Variants in AP3B1 observed in about 807,000 individuals in gnomAD.
AP3B1 encodes the protein AP-3 complex subunit beta-1.
Under a neutral mutation model 132.5 loss-of-function variants are expected in AP3B1, and 61 were observed. The ratio of observed to expected loss-of-function variants is 0.46; its 90% CI spans 0.37 to 0.57. The LOEUF is 0.57. Among genes scored for constraint, AP3B1 ranks in the 20% least tolerant of loss-of-function variants. The pLI is 0.00. For missense variants in AP3B1, 1,120 were observed against 1,289.4 expected (o/e 0.87, Z 2.01); for synonymous variants, 388 against 438.3 (o/e 0.89, Z 1.43).
chr5:78,175,524 G>A (rs1450314102), intron 11 of AP3B1, 102 bp downstream of exon 11: 5 of 822,598 alleles, frequency 6.1e-6, no homozygotes, highest in Non-Finnish European at 1.0e-5. Context: ...TTATCAATGT[G>A]TTTTGAAAAG....
chr5:78,110,684 C>CTGTG (rs144921350), intron 19 of AP3B1, among the ~76,000 whole-genome samples: 10,545 of 143,458 alleles, frequency 0.074, 473 homozygotes, highest in East Asian at 0.13. Context: ...AATACTGTGC[C>CTGTG]TGTGTGTGTG....
intron 8 of AP3B1, among the ~76,000 whole-genome samples, chr5:78,180,227 T>C (rs948480873): frequency 1.3e-5 from 2 of 152,118 alleles, no homozygotes; most frequent in Non-Finnish European, 2.9e-5. Flanking sequence ...AAAATTGTTG[T>C]TGATAACTTG....
intron 22 of AP3B1, among the ~76,000 whole-genome samples, chr5:78,081,164 T>G (rs1257108089): frequency 6.6e-6 from 1 of 152,150 alleles, no homozygotes; most frequent in Non-Finnish European, 1.5e-5. Flanking sequence ...GAGAGATGGC[T>G]TAACCCACTG....
chr5:78,261,739 T>C (rs1049043288), intron 2 of AP3B1, among the ~76,000 whole-genome samples: 1 of 147,600 alleles, frequency 6.8e-6, no homozygotes, highest in Non-Finnish European at 1.5e-5. Flanking sequence ...GTGCTGGGAT[T>C]ACAGGCATGA....
intron 23 of AP3B1, 85 bp downstream of exon 23, chr5:78,038,958 C>T (rs878879619): frequency 4.9e-6 from 4 of 819,132 alleles, no homozygotes; most frequent in African/African-American, 1.7e-5. Flanking sequence ...TACTATTTTA[C>T]TAAAAAGTAT....
intron 22 of AP3B1, among the ~76,000 whole-genome samples, chr5:78,041,193 GA>G (rs1435477845): frequency 1.3e-5 from 2 of 151,660 alleles, no homozygotes; most frequent in Non-Finnish European, 2.9e-5. Flanking sequence ...AGAATGGCTT[GA>G]ACCTGGGAGG....
intron 17 of AP3B1, among the ~76,000 whole-genome samples, chr5:78,124,562 A>G (rs1052661561): frequency 1.3e-5 from 2 of 152,148 alleles, no homozygotes; most frequent in African/African-American, 4.8e-5. Flanking sequence ...GTGACAGAGC[A>G]AAATCATGTC....
chr5:78,086,568 T>C (rs1418684419), intron 22 of AP3B1, among the ~76,000 whole-genome samples: 1 of 152,154 alleles, frequency 6.6e-6, no homozygotes, highest in Non-Finnish European at 1.5e-5. Flanking sequence ...TGCTACATAA[T>C]GCTTTGACGT....
intron 20 of AP3B1, among the ~76,000 whole-genome samples, chr5:78,105,087 A>T (rs1751280472): frequency 6.6e-6 from 1 of 152,178 alleles, no homozygotes; most frequent in Non-Finnish European, 1.5e-5. Flanking sequence ...TGCTTTATAT[A>T]GTTTATGTAA....
intron 2 of AP3B1, among the ~76,000 whole-genome samples, chr5:78,266,139 AG>A (rs1211373599): frequency 6.6e-6 from 1 of 152,228 alleles, no homozygotes; most frequent in Non-Finnish European, 1.5e-5. Context: ...CTAGCAGTCA[AG>A]TTTGTACATT....
chr5:78,198,958 C>T (rs1745181530), intron 7 of AP3B1, among the ~76,000 whole-genome samples: 1 of 152,184 alleles, frequency 6.6e-6, no homozygotes, highest in Admixed American at 6.5e-5. Flanking sequence ...AAAGGATATG[C>T]ATACTGGTTT....
At chr5:78,106,927 G>A (rs1469123729) in intron 20 of AP3B1, among the ~76,000 whole-genome samples, 1 of 152,106 alleles carries the variant, frequency 6.6e-6, no homozygotes, top group Non-Finnish European at 1.5e-5. Context: ...AATTTGGGAA[G>A]AAAAGCTGAA....
chr5:78,008,594 G>T (rs1236485651), intron 26 of AP3B1, among the ~76,000 whole-genome samples: 2 of 152,114 alleles, frequency 1.3e-5, no homozygotes, highest in Non-Finnish European at 2.9e-5. Flanking sequence ...GAACTGTTTT[G>T]ATTACTAAAG....
intron 22 of AP3B1, among the ~76,000 whole-genome samples, chr5:78,046,550 A>G (rs1050588886): frequency 6.6e-6 from 1 of 152,180 alleles, no homozygotes; most frequent in African/African-American, 2.4e-5. Flanking sequence ...AGATGTTTCC[A>G]CAGCAAACAG....
At chr5:78,283,797 T>C (rs1306595774) in intron 1 of AP3B1, among the ~76,000 whole-genome samples, 1 of 152,158 alleles carries the variant, frequency 6.6e-6, no homozygotes, top group Non-Finnish European at 1.5e-5. Flanking sequence ...ACTTGTCCAA[T>C]CCAAAAACAC....
intron 22 of AP3B1, among the ~76,000 whole-genome samples, chr5:78,086,872 C>T (rs572969942): frequency 1.3e-5 from 2 of 151,804 alleles, no homozygotes; most frequent in Admixed American, 6.6e-5. Flanking sequence ...AAGATTTTAA[C>T]AGGCTCAATT....
intron 26 of AP3B1, among the ~76,000 whole-genome samples, chr5:78,011,655 T>G (rs1436157501): frequency 6.6e-6 from 1 of 152,194 alleles, no homozygotes; most frequent in East Asian, 1.9e-4. Flanking sequence ...AGGAATCATT[T>G]TCTATTAAGT....
At chr5:78,016,280 G>GA (rs1381660440) in intron 25 of AP3B1, among the ~76,000 whole-genome samples, 3 of 151,910 alleles carry the variant, frequency 2.0e-5, no homozygotes, top group Admixed American at 2.0e-4. Context: ...GCAAAAGCAT[G>GA]AAAAAAACCA....
chr5:78,044,645 C>G (rs375108890), intron 22 of AP3B1, among the ~76,000 whole-genome samples: 1 of 152,180 alleles, frequency 6.6e-6, no homozygotes, highest in East Asian at 1.9e-4. Context: ...TGGTTCACAG[C>G]GGCCAGGAAT....
Sources: gnomAD v4.1 joint callset for allele counts (sites outside exome capture counted in the v4.1 genomes callset) on GRCh38, gnomAD v4.1.1 for gene constraint, MANE v1.5 for transcripts, NCBI Gene and HGNC (gene_info 2026-07-23, HGNC 2026-07-21) for gene names.